Variants in ZSCAN18 observed in about 807,000 individuals in gnomAD.
The protein encoded by ZSCAN18 is zinc finger and SCAN domain-containing protein 18.
Under a neutral mutation model 31.1 loss-of-function variants are expected in ZSCAN18, and 16 were observed. That is an observed-to-expected ratio of 0.51 (90% CI 0.35 to 0.78). The LOEUF (loss-of-function observed/expected upper bound fraction) is 0.78. Ranked by LOEUF, ZSCAN18 falls within the 30% of genes least tolerant of loss-of-function variation. ZSCAN18 has a pLI of 0.01. For synonymous variants in ZSCAN18, 375 were observed against 320.7 expected, an observed-to-expected ratio of 1.17 and a Z score of -1.81; for missense variants, 731 against 697.4, an observed-to-expected ratio of 1.05 and a Z score of -0.54.
intron 1 of ZSCAN18, among the ~76,000 whole-genome samples, chr19:58,110,408 C>T (rs949739074): frequency 4.6e-5 from 7 of 152,090 alleles, no homozygotes; most frequent in African/African-American, 1.7e-4. Context: ...CCAACCCACT[C>T]GGCCCCTCTG....
At chr19:58,104,325 G>A (rs2074616803) in intron 1 of ZSCAN18, among the ~76,000 whole-genome samples, 1 of 151,714 alleles carries the variant, frequency 6.6e-6, no homozygotes, top group East Asian at 1.9e-4. Flanking sequence ...GTTGCAGTGA[G>A]CTGAGATCGT....
intron 2 of ZSCAN18, among the ~76,000 whole-genome samples, chr19:58,089,100 G>A (rs909157062): frequency 1.3e-5 from 2 of 151,014 alleles, no homozygotes; most frequent in Non-Finnish European, 2.9e-5. Flanking sequence ...TCAGGAGATC[G>A]AGGCCATCCC....
upstream of ZSCAN18, among the ~76,000 whole-genome samples, chr19:58,098,770 TGA>T (rs2074567349): frequency 6.6e-6 from 1 of 152,250 alleles, no homozygotes; most frequent in African/African-American, 2.4e-5. Context: ...CACTCGAGGC[TGA>T]GACAGATCTG....
chr19:58,118,161 TA>T, intron 1 of ZSCAN18: 1 of 498,360 alleles, frequency 2.0e-6, no homozygotes, highest in Non-Finnish European at 3.4e-6. Flanking sequence ...CCAGCGCCCC[TA>T]ACAAGCCCCT....
rs754127175 is a variant in ZSCAN18, at chr19:58,085,230, C to G, written c.988G>C (p.Gly330Arg). The change falls in exon 7 of 7, where the codon GGG (glycine) becomes CGG (arginine). Residue 330 changes from glycine (G) to arginine (R), a missense_variant. Gly to Arg is a moderately radical substitution (Grantham distance 125). Around this residue, in one of 4 missense-constraint regions of ZSCAN18, gnomAD observed 597 missense variants for 499.5 expected, o/e 1.20. Transcript: ENST00000601144. The part of the protein sequence containing the change: ...GTTEEEEEQP[G>R]KAPDPQDPQD... ...GGGTCCTGCGGGTCCGGGGCCTTCC[C>G]AGGCTGCTCTTCCTCCTCCTCAGTG... The G allele has an allele frequency of 6.2e-7, 1 of 1,607,924 alleles. No individual in the cohort carries two copies. The highest frequency in any genetic ancestry group is 1.1e-5 in the South Asian group (1 of 90,918).
At position 58,085,261 on chromosome 19, in the gene ZSCAN18, C is replaced by T. The variant is rs1052657678; in HGVS notation, c.957G>A (p.Ser319=). 6.2e-7 allele frequency: 1 copy of T among 1,604,238 alleles called. No individual in the cohort carries two copies. The change falls in exon 7 of 7, where the codon TCG becomes TCA. Residue 319 remains serine (S), a synonymous_variant. Coordinates refer to ENST00000601144, the MANE Select transcript of ZSCAN18 (RefSeq NM_001145543.2). ...PPGDALADPP[S]GTTEEEEEQP... ...GCTCTTCCTCCTCCTCAGTGGTGCCCGACGGGGGATCGGCAAGGGCGTCCC... is the reference window on the plus strand; with the variant it reads ...GCTCTTCCTCCTCCTCAGTGGTGCCTGACGGGGGATCGGCAAGGGCGTCCC...
chr19:58,102,179 C>G (rs1440117039), upstream of ZSCAN18, among the ~76,000 whole-genome samples: 1 of 152,080 alleles, frequency 6.6e-6, no homozygotes, highest in Non-Finnish European at 1.5e-5. Context: ...ATATACTCAG[C>G]CGGGCGCAGT....
intron 3 of ZSCAN18, chr19:58,087,634 ATCTT>A (rs1213752644): frequency 1.6e-5 from 8 of 507,728 alleles, no homozygotes; most frequent in Non-Finnish European, 2.8e-5. Context: ...ATTCATGGAA[ATCTT>A]TTTTTTTTTT....
chr19:58,104,745 T>A (rs1170995013), intron 1 of ZSCAN18, among the ~76,000 whole-genome samples: 2 of 82,804 alleles, frequency 2.4e-5, no homozygotes, highest in African/African-American at 6.2e-5. Flanking sequence ...TAAAATAAAA[T>A]AAAAAAGTCT....
chr19:58,085,173 A>T lies in ZSCAN18; in HGVS notation c.1045T>A (p.Ser349Thr). The change falls in exon 7 of 7, where the codon TCG (serine) becomes ACG (threonine). Residue 349 changes from serine to threonine, a missense_variant. This residue lies in a region of ZSCAN18 where 597 missense variants were observed against 499.5 expected (regional missense o/e 1.20). Coordinates refer to ENST00000601144, the MANE Select transcript of ZSCAN18 (RefSeq NM_001145543.2). ...QDAESDSATG[S>T]QRQSVIQQPA... ...TGCTGGATGACGGACTGCCTCTGCG[A>T]TCCGGTGGCAGAGTCGGACTCCGCG... 6.2e-7 allele frequency: 1 copy of T among 1,610,742 alleles called. No homozygotes were observed. The highest frequency in any genetic ancestry group is 1.1e-5 in the South Asian group (1 of 90,954).
At chr19:58,099,775 T>C (rs184247938), upstream of ZSCAN18, among the ~76,000 whole-genome samples, 1 of 152,318 alleles carries the variant, frequency 6.6e-6, no homozygotes, top group Non-Finnish European at 1.5e-5. Context: ...TTTTTTATTT[T>C]GGCCATTCTG....
At chr19:58,117,786 C>T (rs1249620953) in intron 1 of ZSCAN18, among the ~76,000 whole-genome samples, 1 of 151,500 alleles carries the variant, frequency 6.6e-6, no homozygotes, top group Non-Finnish European at 1.5e-5. Flanking sequence ...AAAAGGGATC[C>T]GCCCCAGTGG....
chr19:58,085,916 G>A (rs934165698), intron 6 of ZSCAN18: 16 of 448,844 alleles, frequency 3.6e-5, no homozygotes, highest in African/African-American at 1.2e-4. Flanking sequence ...GGCCACCCCC[G>A]GGACCAGTCA....
At chr19:58,117,559 G>C (rs1163729138) in intron 1 of ZSCAN18, among the ~76,000 whole-genome samples, 1 of 152,028 alleles carries the variant, frequency 6.6e-6, no homozygotes, top group African/African-American at 2.4e-5. Context: ...GATGAAAAGT[G>C]GGGAAAGCGT....
exon 1 of ZSCAN18, chr19:58,118,325 G>C (rs771082229): frequency 1.3e-6 from 2 of 1,531,286 alleles, no homozygotes; most frequent in Non-Finnish European, 1.8e-6. Flanking sequence ...AGACCCGAGA[G>C]GCCGCGAGAG....
intron 1 of ZSCAN18, among the ~76,000 whole-genome samples, chr19:58,118,085 GAC>G (rs1162053479): frequency 6.6e-6 from 1 of 152,108 alleles, no homozygotes; most frequent in African/African-American, 2.4e-5. Flanking sequence ...AAGGGGAGAA[GAC>G]ACGCGGGACG....
intron 1 of ZSCAN18, among the ~76,000 whole-genome samples, chr19:58,095,133 T>G (rs2074496499): frequency 6.6e-6 from 1 of 152,128 alleles, no homozygotes. Context: ...CCTCTCCTGA[T>G]GGGAGGCGTG....
At chr19:58,087,110 C>T in intron 4 of ZSCAN18, 102 bp from the exon 5 acceptor site, 1 of 1,112,074 alleles carries the variant, frequency 9.0e-7, no homozygotes, top group Non-Finnish European at 1.3e-6. Context: ...CAGCCCTGGC[C>T]AGGGACTCTA....
intron 1 of ZSCAN18, among the ~76,000 whole-genome samples, chr19:58,112,647 T>G (rs1371077187): frequency 6.8e-6 from 1 of 146,332 alleles, no homozygotes; most frequent in African/African-American, 2.6e-5. Flanking sequence ...CAAGACTGTC[T>G]CAAAAAAAAG....
Sources: gnomAD v4.1 joint callset for allele counts (sites outside exome capture counted in the v4.1 genomes callset) on GRCh38, gnomAD v4.1.1 for gene constraint, gnomAD v4.1.1 regional missense constraint, MANE v1.5 for transcripts, NCBI Gene and HGNC (gene_info 2026-07-23, HGNC 2026-07-21) for gene names.